CFAP20DC: variants seen among roughly 807,000 people sequenced by gnomAD.
CFAP20DC encodes the protein CFAP20 domain containing, also known as protein CFAP20DC.
CFAP20DC carries 84 observed loss-of-function variants against 101.7 expected under a neutral mutation model. The observed-to-expected ratio is 0.83, with a 90% CI of 0.69 to 0.99. The LOEUF (loss-of-function observed/expected upper bound fraction) is 0.99, where lower values mean the gene tolerates loss of function less well. CFAP20DC is among the 50% of genes least tolerant of loss of function. The pLI, the probability that CFAP20DC is intolerant of heterozygous loss-of-function variation, is 0.00. For missense variants in CFAP20DC, 1,007 were observed against 970.3 expected (o/e 1.04, Z -0.50); for synonymous variants, 359 against 351.2 (o/e 1.02, Z -0.25).
chr3:59,028,966 C>T (rs1421745009), intron 4 of CFAP20DC, among the ~76,000 whole-genome samples: 2 of 152,334 alleles, frequency 1.3e-5, no homozygotes, highest in East Asian at 3.9e-4. Context: ...AATTTGCCTA[C>T]AGATCTGTCC....
At chr3:58,934,110 A>C (rs532209639) in intron 5 of CFAP20DC, among the ~76,000 whole-genome samples, 1 of 152,382 alleles carries the variant, frequency 6.6e-6, no homozygotes, top group African/African-American at 2.4e-5. Flanking sequence ...ATCCCACAGA[A>C]ATACAAACTA....
chr3:58,844,764 A>T (rs1361879651), intron 13 of CFAP20DC, among the ~76,000 whole-genome samples: 2 of 134,760 alleles, frequency 1.5e-5, no homozygotes, highest in Non-Finnish European at 3.0e-5. Flanking sequence ...ACTGGGAAGT[A>T]AAGCTCTCCT....
At chr3:58,866,120 T>A (rs930826760) in intron 11 of CFAP20DC, among the ~76,000 whole-genome samples, 2 of 152,228 alleles carry the variant, frequency 1.3e-5, no homozygotes, top group Admixed American at 1.3e-4. Context: ...TAAATAAGAT[T>A]GACAAACCAC....
At chr3:58,952,926 C>T (rs1211010235) in intron 4 of CFAP20DC, among the ~76,000 whole-genome samples, 1 of 151,994 alleles carries the variant, frequency 6.6e-6, no homozygotes, top group Admixed American at 6.6e-5. Flanking sequence ...GACGTAGATA[C>T]TGGGGATTTC....
In CFAP20DC at chr3:58,742,065, A is replaced by T; in HGVS notation, c.*395T>A. On this transcript the variant is annotated 3_prime_UTR_variant, in exon 17 of 17. Coordinates refer to ENST00000482387, the MANE Select transcript of CFAP20DC (RefSeq NM_001394063.1). The stretch of plus-strand genomic sequence containing the variant: ...AAATGCCATAAAATAAAAGGTACCC[A>T]GGCATCTTTTAAGCAAAAATACATT... 5 of 969,430 alleles carry T rather than the reference A, an allele frequency of 5.2e-6. No homozygotes were observed. Among genetic ancestry groups the T allele is most frequent in the Non-Finnish European group, 6.1e-6 (5 of 814,870 alleles). The allele number at this position is 969,430 out of a possible 1,614,324, so 60.1% of individuals were successfully genotyped here.
In CFAP20DC at chr3:58,966,240, C is replaced by A. The variant is rs1007510613; in HGVS notation, c.279-28478G>T. Among the ~76,000 whole-genome samples the A allele has an allele frequency of 5.3e-5, 8 of 152,128 alleles. No homozygotes were observed. The East Asian group carries it at 1.5e-3, about 29-fold the overall frequency. ...TTTGTCCCAGAAGTGACCCTTAAAGCCAGGGAATGGCCCTTGTTTTCTAAG... is the reference window on the plus strand; with the variant it reads ...TTTGTCCCAGAAGTGACCCTTAAAGACAGGGAATGGCCCTTGTTTTCTAAG... On this transcript the variant is annotated intron_variant, in intron 4 of 16. Coordinates refer to ENST00000482387, the MANE Select transcript of CFAP20DC (RefSeq NM_001394063.1).
At chr3:58,904,492 T>C (rs186025144) in intron 6 of CFAP20DC, among the ~76,000 whole-genome samples, 1 of 152,232 alleles carries the variant, frequency 6.6e-6, no homozygotes, top group East Asian at 1.9e-4. Context: ...TCATCTCCAC[T>C]ACAGGAAGGT....
At chr3:58,791,881 T>C (rs1489081808) in intron 15 of CFAP20DC, among the ~76,000 whole-genome samples, 1 of 152,184 alleles carries the variant, frequency 6.6e-6, no homozygotes, top group Non-Finnish European at 1.5e-5. Flanking sequence ...TGCCAAGAAA[T>C]AACGTAGGCC....
chr3:58,882,485 T>A lies in CFAP20DC; in HGVS notation c.715+2060A>T, dbSNP rs1197275845. Among the ~76,000 whole-genome samples the A allele has an allele frequency of 6.6e-6, 1 of 152,164 alleles. No individual in the cohort carries two copies. The highest frequency in any genetic ancestry group is 1.5e-5 in the Non-Finnish European group (1 of 68,002). On this transcript the variant is annotated intron_variant, in intron 7 of 16. Coordinates refer to ENST00000482387, the MANE Select transcript of CFAP20DC (RefSeq NM_001394063.1). This position sits in a 1 kb window ranked among gnomAD's most constrained non-coding sequence, Gnocchi z 4.2. ...AAGCATTTACAATGGCAAACAATTA[T>A]CTGATATGCTTTATAGTTTAGCATT...
chr3:58,843,026 C>A (rs2077283335), intron 13 of CFAP20DC, among the ~76,000 whole-genome samples: 1 of 152,164 alleles, frequency 6.6e-6, no homozygotes, highest in Non-Finnish European at 1.5e-5. Flanking sequence ...TCACCATCGT[C>A]AAAGACCAAA....
chr3:58,759,556 A>G (rs2069324453), intron 15 of CFAP20DC, among the ~76,000 whole-genome samples: 1 of 152,108 alleles, frequency 6.6e-6, no homozygotes, highest in African/African-American at 2.4e-5. Flanking sequence ...CCATTTGTCA[A>G]TTTTGGCTTT....
Position 59,001,340 on chromosome 3 carries a change from G to T in CFAP20DC, c.278+38217C>A, listed in dbSNP as rs956703286. On this transcript the variant is annotated intron_variant, in intron 4 of 16. Transcript: ENST00000482387. This position sits in a 1 kb window ranked among gnomAD's most constrained non-coding sequence, Gnocchi z 4.5. Reference sequence around the variant, plus strand: ...AAGGCATACCACTAGAGGAAAGGGGGTGGTAATCTTATGCTTAGGAGTTTG... The same window carrying T: ...AAGGCATACCACTAGAGGAAAGGGGTTGGTAATCTTATGCTTAGGAGTTTG... 1.3e-5 allele frequency among the ~76,000 whole-genome samples: 2 copies of T among 152,064 alleles called. No homozygotes were observed. Among genetic ancestry groups the T allele is most frequent in the African/African-American group, 4.8e-5 (2 of 41,396 alleles).
chr3:59,031,259 G>A (rs1189276777), intron 4 of CFAP20DC, among the ~76,000 whole-genome samples: 1 of 152,132 alleles, frequency 6.6e-6, no homozygotes, highest in African/African-American at 2.4e-5. Context: ...CTGTTCTAAG[G>A]TTCAGCCAAA....
At chr3:58,827,761 G>A (rs1012818694) in intron 14 of CFAP20DC, among the ~76,000 whole-genome samples, 3 of 152,128 alleles carry the variant, frequency 2.0e-5, no homozygotes, top group African/African-American at 7.2e-5. Context: ...GTTTACCTGG[G>A]CTTCCCCACC....
At chr3:58,915,607 G>C (rs1030087365) in intron 5 of CFAP20DC, among the ~76,000 whole-genome samples, 12 of 151,970 alleles carry the variant, frequency 7.9e-5, no homozygotes, top group Admixed American at 7.2e-4. Context: ...TTTCAGTCTG[G>C]GAAGGAAGGC....
rs1368473222 is a variant in CFAP20DC at position 58,808,649 on chromosome 3, C to G, written c.2176-2193G>C. 2.0e-5 allele frequency among the ~76,000 whole-genome samples: 3 copies of G among 152,246 alleles called. No individual in the cohort carries two copies. In the East Asian group the frequency reaches 5.8e-4, roughly 29 times the overall value. On this transcript the variant is annotated intron_variant, in intron 14 of 16. Transcript: ENST00000482387. ...AGACCATCGAGGCTAGGAAGAAACTCCATCAACTAATGAGCAAAATAACCA... is the reference window on the plus strand; with the variant it reads ...AGACCATCGAGGCTAGGAAGAAACTGCATCAACTAATGAGCAAAATAACCA...
rs59588829 is a variant in CFAP20DC at position 58,770,028 on chromosome 3, T to A, written c.2238-16165A>T. On this transcript the variant is annotated intron_variant, in intron 15 of 16. Transcript: ENST00000482387. ...TATACTCTATTAAATATACTTTATATGTTCTCTGCAGAATATCTTTCTATC... is the reference window on the plus strand; with the variant it reads ...TATACTCTATTAAATATACTTTATAAGTTCTCTGCAGAATATCTTTCTATC... 4.5e-3 allele frequency among the ~76,000 whole-genome samples: 687 copies of A among 152,340 alleles called. 5 individuals carry two copies. Among genetic ancestry groups the A allele is most frequent in the African/African-American group, 0.016 (649 of 41,574 alleles).
intron 4 of CFAP20DC, among the ~76,000 whole-genome samples, chr3:58,958,700 A>G (rs73840016): frequency 0.021 from 3,249 of 152,306 alleles, 104 homozygotes; most frequent in African/African-American, 0.073. Context: ...CATTTCTTCA[A>G]TGATACATAG....
At chr3:58,969,432 C>T (rs1049556715) in intron 4 of CFAP20DC, among the ~76,000 whole-genome samples, 3 of 152,088 alleles carry the variant, frequency 2.0e-5, no homozygotes, top group Admixed American at 1.3e-4. Flanking sequence ...GTTTCAAATA[C>T]GTAAAGTTCC....
Sources: gnomAD v4.1 joint callset for allele counts (sites outside exome capture counted in the v4.1 genomes callset) on GRCh38, gnomAD v4.1.1 for gene constraint, Gnocchi (gnomAD v3.1) non-coding constraint, MANE v1.5 for transcripts, NCBI Gene and HGNC (gene_info 2026-07-23, HGNC 2026-07-21) for gene names.